WIZ: variants seen among roughly 807,000 people sequenced by gnomAD.
The protein encoded by WIZ is WIZ zinc finger.
Under a neutral mutation model 140.2 loss-of-function variants are expected in WIZ, and 25 were observed. The ratio of observed to expected loss-of-function variants is 0.18; its 90% CI spans 0.13 to 0.25. The LOEUF (loss-of-function observed/expected upper bound fraction) is 0.25, where lower values mean the gene tolerates loss of function less well. Ranked by LOEUF, WIZ falls within the 10% of genes least tolerant of loss-of-function variation. The pLI is 1.00. For synonymous variants in WIZ, 1,125 were observed against 1,154.3 expected (o/e 0.97, Z 0.51); for missense variants, 2,231 against 2,632.6 (o/e 0.85, Z 3.34).
Position 15,428,479 on chromosome 19 carries a change from C to A in WIZ, c.3445G>T (p.Asp1149Tyr). The stretch of plus-strand genomic sequence containing the variant: ...AACCAGGCACCGCACAGCTGGCAGT[C>A]CAGCTCTCTGCCCCCGTCACTATCT... The part of the protein sequence containing the change: ...TLDSDGGREL[D>Y]CQLCGAWFET... The change falls in exon 8 of 13, where the codon GAC (aspartate) becomes TAC (tyrosine). Residue 1149 changes from aspartate to tyrosine, a missense_variant. By Grantham distance (160) the Asp-to-Tyr change is radical. Transcript: ENST00000673675. The surrounding 1 kb of genome is among the most constrained non-coding windows in gnomAD (Gnocchi z 6.4). 4.6e-6 allele frequency: 7 copies of A among 1,535,588 alleles called. No homozygotes were observed. Among genetic ancestry groups the A allele is most frequent in the Non-Finnish European group, 6.1e-6 (7 of 1,146,836 alleles).
At chr19:15,430,919 T>C (rs1969191192) in intron 6 of WIZ, 93 bp downstream of exon 6, 2 of 1,405,658 alleles carry the variant, frequency 1.4e-6, no homozygotes, top group Non-Finnish European at 1.9e-6. Flanking sequence ...GCGGGCAACC[T>C]TGGGCCCCAC....
chr19:15,448,356 G>A lies in WIZ; in HGVS notation c.-49C>T. 1 of 1,597,824 alleles carries A rather than the reference G, an allele frequency of 6.3e-7. No homozygotes were observed. Among genetic ancestry groups the A allele is most frequent in the Non-Finnish European group, 8.5e-7 (1 of 1,174,752 alleles). ...CTCAGCTGCTGCACCGGCTCAGCGG[G>A]GCATTGTGGGCCTGGGGATAGAGAG... is the stretch of plus-strand genomic sequence containing the variant. On this transcript the variant is annotated 5_prime_UTR_variant, in exon 2 of 13. Transcript: ENST00000673675.
At position 15,442,308 on chromosome 19, in the gene WIZ, C is replaced by A. The variant is rs985744670; in HGVS notation, c.278+368G>T. Reference sequence around the variant, plus strand: ...CCCAATGCCCCTTGGATCCTCAAGGCGAATTCATGAGATGCATCTTATGGA... The same window carrying A: ...CCCAATGCCCCTTGGATCCTCAAGGAGAATTCATGAGATGCATCTTATGGA... On this transcript the variant is annotated intron_variant, in intron 3 of 12. Transcript: ENST00000673675. The surrounding 1 kb of genome is among the most constrained non-coding windows in gnomAD (Gnocchi z 5.5). Among the ~76,000 whole-genome samples, 1 of 152,152 alleles carries A rather than the reference C, an allele frequency of 6.6e-6. No homozygotes were observed. The highest frequency in any genetic ancestry group is 6.5e-5 in the Admixed American group (1 of 15,280).
chr19:15,431,624 G>A (rs1212180742), intron 5 of WIZ, among the ~76,000 whole-genome samples: 1 of 152,240 alleles, frequency 6.6e-6, no homozygotes, highest in Non-Finnish European at 1.5e-5. Context: ...GCCAGGGACA[G>A]GGAGGTGGCT....
intron 5 of WIZ, chr19:15,432,504 TGGCGGTGGCGGTGGTGGTGGCGGC>T: frequency 2.4e-6 from 2 of 828,950 alleles, no homozygotes; most frequent in Non-Finnish European, 2.8e-6. Context: ...GCGGCGGCGG[TGGCGGTGGCGGTGGTGGTGGCGGC>T]GGCGGCGGGG....
At position 15,439,305 on chromosome 19, in the gene WIZ, C is replaced by T. The variant is rs1969639796; in HGVS notation, c.1689G>A (p.Leu563=). The T allele has an allele frequency of 2.0e-6, 3 of 1,535,516 alleles. No individual in the cohort carries two copies. Among genetic ancestry groups the T allele is most frequent in the African/African-American group, 1.4e-5 (1 of 73,022 alleles). The part of the protein sequence containing the change: ...CQQLSIRDFP[L]SKPLLHGTGQ... Reference sequence around the variant, plus strand: ...CCGTGCCATGCAGGAGTGGCTTTGACAGCGGGAAATCTCTGATGCTCAGCT... The same window carrying T: ...CCGTGCCATGCAGGAGTGGCTTTGATAGCGGGAAATCTCTGATGCTCAGCT... The change falls in exon 4 of 13, where the codon CTG becomes CTA. Residue 563 remains leucine (L), a synonymous_variant. Transcript: ENST00000673675. This position sits in a 1 kb window ranked among gnomAD's most constrained non-coding sequence, Gnocchi z 7.0.
In WIZ at chr19:15,445,342, C is replaced by T. The variant is rs75440826; in HGVS notation, c.206-2594G>A. Among the ~76,000 whole-genome samples the T allele has an allele frequency of 2.3e-3, 346 of 152,348 alleles. 3 individuals are homozygous for T. The highest frequency in any genetic ancestry group is 7.7e-3 in the African/African-American group (322 of 41,582). On this transcript the variant is annotated intron_variant, in intron 2 of 12. Transcript: ENST00000673675. Reference sequence around the variant, plus strand: ...CCTGAAGGGCGTGCCTCTCCCACTCCGAGCCTTGGTTTCTTCCGCTGTGCA... The same window carrying T: ...CCTGAAGGGCGTGCCTCTCCCACTCTGAGCCTTGGTTTCTTCCGCTGTGCA...
At chr19:15,430,905 A>G in intron 6 of WIZ, 107 bp downstream of exon 6, 3 of 1,367,546 alleles carry the variant, frequency 2.2e-6, no homozygotes, top group South Asian at 3.1e-5. Flanking sequence ...CCAGAGGGAA[A>G]ACTGCGGGCA....
intron 1 of WIZ, 66 bp from the exon 2 acceptor site, chr19:15,448,433 C>G: frequency 1.7e-6 from 2 of 1,209,144 alleles, no homozygotes; most frequent in South Asian, 2.7e-5. Flanking sequence ...GTTTCCCATC[C>G]CTCAAAACCT....
Position 15,440,522 on chromosome 19 carries a change from G to A in WIZ, c.472C>T (p.Leu158=), listed in dbSNP as rs1309755297. The stretch of plus-strand genomic sequence containing the variant: ...TGTAAGAACCTTCTAGAGCCCTCTA[G>A]CTCAGCGTGGGGTTTCATGGTTCTC... The part of the protein sequence containing the change: ...IVRTMKPHAE[L]EGSRRFLHHR... Residue 158 remains leucine (L), a synonymous_variant, in exon 4 of 13, where the codon CTA becomes TTA. Transcript: ENST00000673675. The surrounding 1 kb of genome is among the most constrained non-coding windows in gnomAD (Gnocchi z 6.2). The A allele has an allele frequency of 2.6e-6, 4 of 1,536,128 alleles. No individual in the cohort carries two copies. The highest frequency in any genetic ancestry group is 3.5e-6 in the Non-Finnish European group (4 of 1,146,876).
intron 12 of WIZ, among the ~76,000 whole-genome samples, chr19:15,423,616 G>A (rs899322219): frequency 2.0e-5 from 3 of 152,104 alleles, no homozygotes; most frequent in Admixed American, 6.5e-5. Flanking sequence ...ACCTAAAAAG[G>A]CCTCACAGCA....
In WIZ at chr19:15,421,831, C is replaced by G. The variant is rs1469608722; in HGVS notation, c.*1245G>C. The G allele has an allele frequency of 6.6e-6, 1 of 152,272 alleles. No individual in the cohort carries two copies. Among genetic ancestry groups the G allele is most frequent in the Admixed American group, 6.5e-5 (1 of 15,280 alleles). 9.4% of individuals were successfully genotyped at this position (152,272 alleles called of 1,614,324 possible). A position where few individuals can be genotyped will look rare whatever the true frequency, so the allele number is the denominator to read the frequency against. ...GATCCTGGCTCCCTTCCCAGACAGG[C>G]TGCCCAGAACCCTGGTTCATCTGCT... is the stretch of plus-strand genomic sequence containing the variant. On this transcript the variant is annotated 3_prime_UTR_variant, in exon 13 of 13. Transcript: ENST00000673675.
intron 3 of WIZ, among the ~76,000 whole-genome samples, chr19:15,441,803 ACATGTTCAGAGTGTAG>A (rs1475580676): frequency 6.6e-6 from 1 of 152,180 alleles, no homozygotes; most frequent in Non-Finnish European, 1.5e-5. Context: ...GGGGATAAAC[ACATGTTCAGAGTGTAG>A]CTCATAGCAG....
At position 15,439,119 on chromosome 19, in the gene WIZ, A is replaced by ATCC. The variant is rs753448130; in HGVS notation, c.1872_1874dup (p.Glu624dup). 4.1e-4 allele frequency: 606 copies of ATCC among 1,476,950 alleles called. 1 individual carries two copies. The highest frequency in any genetic ancestry group is 1.5e-3 in the African/African-American group (104 of 70,872). 91.5% of individuals were successfully genotyped at this position (1,476,950 alleles called of 1,614,324 possible). A position where few individuals can be genotyped will look rare whatever the true frequency, so the allele number is the denominator to read the frequency against. On this transcript the variant is annotated inframe_insertion, in exon 4 of 13. Coordinates refer to ENST00000673675, the MANE Select transcript of WIZ (RefSeq NM_001371589.1). This position sits in a 1 kb window ranked among gnomAD's most constrained non-coding sequence, Gnocchi z 7.0. Reference sequence around the variant, plus strand: ...AATCCATCTCGGAGGTCAGCACTACATCCTCCTCCTCCTCCTCCTCCTCCT... The same window carrying ATCC: ...AATCCATCTCGGAGGTCAGCACTACATCCTCCTCCTCCTCCTCCTCCTCCTCCT...
chr19:15,441,637 G>T (rs1969749345), intron 3 of WIZ, among the ~76,000 whole-genome samples: 1 of 152,130 alleles, frequency 6.6e-6, no homozygotes. Flanking sequence ...TCAAGATCCT[G>T]CCTCCATCAG....
chr19:15,432,899 G>C (rs1969363274), intron 5 of WIZ, among the ~76,000 whole-genome samples: 1 of 151,950 alleles, frequency 6.6e-6, no homozygotes, highest in Admixed American at 6.5e-5. Flanking sequence ...GAGGGCGGAC[G>C]GCTGCAGCTG....
In WIZ at chr19:15,421,314, C is replaced by T. The variant is rs959790228; in HGVS notation, c.*1762G>A. ...TGCGTCCTGACCCCACAGGAGCAGA[C>T]GTGTGGGCCAAGACCACCCTTGTGG... On this transcript the variant is annotated 3_prime_UTR_variant, in exon 13 of 13. Transcript: ENST00000673675. The T allele has an allele frequency of 5.3e-5, 8 of 152,250 alleles. No individual in the cohort carries two copies. Among genetic ancestry groups the T allele is most frequent in the Admixed American group, 6.5e-5 (1 of 15,276 alleles). The allele number at this position is 152,250 out of a possible 1,614,324, so 9.4% of individuals were successfully genotyped here. A position where few individuals can be genotyped will look rare whatever the true frequency, so the allele number is the denominator to read the frequency against.
In WIZ at chr19:15,425,476, G is replaced by A. The variant is rs1968694258; in HGVS notation, c.4659C>T (p.Pro1553=). 5.6e-6 allele frequency: 9 copies of A among 1,602,442 alleles called. No individual in the cohort carries two copies. Among genetic ancestry groups the A allele is most frequent in the Non-Finnish European group, 7.7e-6 (9 of 1,174,686 alleles). Residue 1553 remains proline, a synonymous_variant, in exon 10 of 13, where the codon CCC becomes CCT. Transcript: ENST00000673675. ...CTGGTTTGCCTGGCCGGCCAGCCAG[G>A]GGCGACAGCGGCAGTGGGGACTGCA... The part of the protein sequence containing the change: ...GPVQSPLPLS[P]LAGRPGKPGA...
rs777560745 is a variant in WIZ at position 15,440,061 on chromosome 19, C to CTCCTCG, written c.927_932dup (p.Asp309_Glu310dup). 14 of 1,535,714 alleles carry CTCCTCG rather than the reference C, an allele frequency of 9.1e-6. No homozygotes were observed. Among genetic ancestry groups the CTCCTCG allele is most frequent in the Admixed American group, 5.9e-5 (3 of 50,956 alleles). On this transcript the variant is annotated inframe_insertion, in exon 4 of 13. Transcript: ENST00000673675. The surrounding 1 kb of genome is among the most constrained non-coding windows in gnomAD (Gnocchi z 6.2). Reference sequence around the variant, plus strand: ...ACTCGATGCATGGGAACACGGCCGGCTCCTCGTCCTCGTCCTCATCTGGGC... The same window carrying CTCCTCG: ...ACTCGATGCATGGGAACACGGCCGGCTCCTCGTCCTCGTCCTCGTCCTCATCTGGGC...
Sources: gnomAD v4.1 joint callset for allele counts (sites outside exome capture counted in the v4.1 genomes callset) on GRCh38, gnomAD v4.1.1 for gene constraint, Gnocchi (gnomAD v3.1) non-coding constraint, MANE v1.5 for transcripts, NCBI Gene and HGNC (gene_info 2026-07-23, HGNC 2026-07-21) for gene names.